The following RNF180 variants were observed in gnomAD, a reference collection of about 807,000 sequenced individuals.
RNF180 encodes ring finger protein 180.
Under a neutral mutation model 59.2 loss-of-function variants are expected in RNF180, and 38 were observed. The observed-to-expected ratio is 0.64, with a 90% CI of 0.50 to 0.84. The LOEUF is 0.84. Among genes scored for constraint, RNF180 ranks in the 40% least tolerant of loss-of-function variants. The pLI is 0.00. For missense variants in RNF180, 705 were observed against 700.9 expected (o/e 1.01, Z -0.07); for synonymous variants, 262 against 240.3 (o/e 1.09, Z -0.84).
At chr5:64,255,351 G>A (rs1345977775) in intron 5 of RNF180, among the ~76,000 whole-genome samples, 3 of 151,388 alleles carry the variant, frequency 2.0e-5, no homozygotes, top group East Asian at 1.9e-4. Flanking sequence ...TATCCCCCTC[G>A]CCCCAGCCCC....
chr5:64,246,489 G>T (rs761289395), intron 5 of RNF180, among the ~76,000 whole-genome samples: 4 of 152,140 alleles, frequency 2.6e-5, no homozygotes, highest in Non-Finnish European at 5.9e-5. Flanking sequence ...ACACCTCTAT[G>T]CAAATAAACT....
chr5:64,185,613 A>T (rs564118124), intron 1 of RNF180, among the ~76,000 whole-genome samples: 48 of 152,350 alleles, frequency 3.2e-4, no homozygotes, highest in Middle Eastern at 3.4e-3. Flanking sequence ...AATGTGGTTT[A>T]TACCTGATAT....
intron 1 of RNF180, among the ~76,000 whole-genome samples, chr5:64,193,103 A>G (rs1023432361): frequency 6.6e-6 from 1 of 151,706 alleles, no homozygotes; most frequent in African/African-American, 2.4e-5. Flanking sequence ...AGATGCAGGG[A>G]ATAGAATTGT....
chr5:64,228,363 A>G (rs1342691205), intron 5 of RNF180, among the ~76,000 whole-genome samples: 2 of 152,012 alleles, frequency 1.3e-5, no homozygotes, highest in Non-Finnish European at 2.9e-5. Context: ...AAAAATGTAT[A>G]CTTAGCTGGG....
intron 5 of RNF180, among the ~76,000 whole-genome samples, chr5:64,321,419 G>T (rs1172820465): frequency 6.6e-6 from 1 of 152,100 alleles, no homozygotes; most frequent in Non-Finnish European, 1.5e-5. Context: ...CCCATTCACA[G>T]TTGGTATAAA....
At chr5:64,282,179 G>A (rs1381339938) in intron 5 of RNF180, among the ~76,000 whole-genome samples, 2 of 152,062 alleles carry the variant, frequency 1.3e-5, no homozygotes, top group African/African-American at 4.8e-5. Context: ...CTCTGGTCTG[G>A]TACTTTTTCT....
At chr5:64,250,359 G>C (rs1743488100) in intron 5 of RNF180, among the ~76,000 whole-genome samples, 1 of 151,914 alleles carries the variant, frequency 6.6e-6, no homozygotes, top group Non-Finnish European at 1.5e-5. Flanking sequence ...TGAACCTCAA[G>C]GAACTAGAAA....
chr5:64,339,679 C>CACAAAATTA (rs1395446541), intron 7 of RNF180, among the ~76,000 whole-genome samples: 1 of 150,434 alleles, frequency 6.6e-6, no homozygotes, highest in African/African-American at 2.4e-5. Context: ...CCTTTGGCTT[C>CACAAAATTA]ACAAAATTAG....
intron 7 of RNF180, among the ~76,000 whole-genome samples, chr5:64,353,909 G>GA (rs1251076775): frequency 2.6e-5 from 4 of 151,570 alleles, no homozygotes; most frequent in Non-Finnish European, 5.9e-5. Context: ...AGGGAAATTA[G>GA]AAAATACACT....
intron 7 of RNF180, among the ~76,000 whole-genome samples, chr5:64,366,419 G>A (rs1580319008): frequency 6.6e-6 from 1 of 151,436 alleles, no homozygotes; most frequent in Non-Finnish European, 1.5e-5. Flanking sequence ...CCTGGAGAAT[G>A]TTATGATTAT....
intron 5 of RNF180, among the ~76,000 whole-genome samples, chr5:64,257,220 C>A (rs1029333510): frequency 1.3e-5 from 2 of 152,180 alleles, no homozygotes; most frequent in African/African-American, 4.8e-5. Flanking sequence ...ATTGCCCTGG[C>A]CAGAACTTCC....
At chr5:64,356,253 C>A (rs185190669) in intron 7 of RNF180, among the ~76,000 whole-genome samples, 82 of 150,556 alleles carry the variant, frequency 5.4e-4, no homozygotes, top group African/African-American at 2.0e-3. Flanking sequence ...CAGAGTGAGA[C>A]CATCTCAAAA....
chr5:64,208,563 T>C (rs1324252810), intron 2 of RNF180, among the ~76,000 whole-genome samples: 1 of 152,004 alleles, frequency 6.6e-6, no homozygotes, highest in African/African-American at 2.4e-5. Context: ...TCTTTACTTG[T>C]AGAATTATAT....
chr5:64,211,199 C>T (rs1580008724), intron 2 of RNF180, among the ~76,000 whole-genome samples: 3 of 152,078 alleles, frequency 2.0e-5, no homozygotes, highest in East Asian at 3.9e-4. Context: ...AGGAATATCT[C>T]AAAGGGAAAA....
At chr5:64,258,432 A>C (rs906932595) in intron 5 of RNF180, among the ~76,000 whole-genome samples, 4 of 152,190 alleles carry the variant, frequency 2.6e-5, no homozygotes, top group African/African-American at 9.6e-5. Context: ...TGAACCAATA[A>C]AATGATATGA....
intron 5 of RNF180, among the ~76,000 whole-genome samples, chr5:64,249,421 G>C (rs1743416613): frequency 6.6e-6 from 1 of 152,102 alleles, no homozygotes. Context: ...TAGTCAAAGT[G>C]CTAAAGGAAA....
chr5:64,292,812 T>G (rs1742673030), intron 5 of RNF180, among the ~76,000 whole-genome samples: 1 of 152,148 alleles, frequency 6.6e-6, no homozygotes, highest in Non-Finnish European at 1.5e-5. Flanking sequence ...TCTGTCCATA[T>G]AATCCCGGCT....
At chr5:64,250,847 C>G (rs549154756) in intron 5 of RNF180, among the ~76,000 whole-genome samples, 2 of 152,258 alleles carry the variant, frequency 1.3e-5, no homozygotes, top group South Asian at 4.1e-4. Context: ...TACTTTCAAA[C>G]TCATTTATAA....
At chr5:64,244,260 T>A (rs1448759668) in intron 5 of RNF180, among the ~76,000 whole-genome samples, 1 of 152,032 alleles carries the variant, frequency 6.6e-6, no homozygotes, top group African/African-American at 2.4e-5. Flanking sequence ...TTGACAGAAG[T>A]AGGCTTCAGA....
Sources: gnomAD v4.1 joint callset for allele counts (sites outside exome capture counted in the v4.1 genomes callset) on GRCh38, gnomAD v4.1.1 for gene constraint, MANE v1.5 for transcripts, NCBI Gene and HGNC (gene_info 2026-07-23, HGNC 2026-07-21) for gene names.